The following RCAN2 variants were observed in gnomAD, a reference collection of about 807,000 sequenced individuals.
The protein encoded by RCAN2 is regulator of calcineurin 2, also known as calcipressin-2.
RCAN2 carries 9 observed loss-of-function variants against 23.6 expected under a neutral mutation model. That is an observed-to-expected ratio of 0.38 (90% confidence interval 0.23 to 0.67). The LOEUF is 0.67. Ranked by LOEUF, RCAN2 falls within the 30% of genes least tolerant of loss-of-function variation. RCAN2 has a pLI of 0.51. For missense variants in RCAN2, 273 were observed against 302.3 expected (o/e 0.90, Z 0.72); for synonymous variants, 109 against 115.7 (o/e 0.94, Z 0.37).
intron 2 of RCAN2, among the ~76,000 whole-genome samples, chr6:46,442,489 T>A (rs184805646): frequency 6.6e-6 from 1 of 152,220 alleles, no homozygotes; most frequent in Admixed American, 6.5e-5. Context: ...CCAGGCAGTA[T>A]GCCTTAAGAC....
intron 2 of RCAN2, among the ~76,000 whole-genome samples, chr6:46,400,881 G>A (rs1340325026): frequency 6.6e-6 from 1 of 152,136 alleles, no homozygotes; most frequent in African/African-American, 2.4e-5. Context: ...TTTAAAAGAC[G>A]CCCTTCACAG....
At chr6:46,310,866 T>C (rs907992692) in intron 2 of RCAN2, among the ~76,000 whole-genome samples, 8 of 152,200 alleles carry the variant, frequency 5.3e-5, no homozygotes, top group Non-Finnish European at 1.2e-4. Context: ...AAAAATGCCA[T>C]ATATTTTTTG....
intron 2 of RCAN2, among the ~76,000 whole-genome samples, chr6:46,407,103 C>T (rs1766427313): frequency 6.6e-6 from 1 of 152,194 alleles, no homozygotes; most frequent in African/African-American, 2.4e-5. Flanking sequence ...GGGCTATTTT[C>T]CTAGTCAACT....
chr6:46,469,378 T>C (rs1768488694), intron 1 of RCAN2, among the ~76,000 whole-genome samples: 1 of 152,154 alleles, frequency 6.6e-6, no homozygotes, highest in Admixed American at 6.5e-5. Flanking sequence ...CCTGCTGCAA[T>C]TGGGACCAGT....
chr6:46,248,118 A>G (rs1242114268), intron 3 of RCAN2, among the ~76,000 whole-genome samples: 4 of 152,216 alleles, frequency 2.6e-5, no homozygotes, highest in Non-Finnish European at 4.4e-5. Context: ...CACTAATGGA[A>G]CATGATGGAT....
intron 1 of RCAN2, among the ~76,000 whole-genome samples, chr6:46,471,851 T>C (rs749471673): frequency 3.3e-4 from 50 of 152,140 alleles, no homozygotes; most frequent in Non-Finnish European, 2.1e-4. Flanking sequence ...CTTAAAATAG[T>C]ATAGGAACCT....
At chr6:46,226,189 A>C (rs574134286) in intron 4 of RCAN2, among the ~76,000 whole-genome samples, 2 of 152,132 alleles carry the variant, frequency 1.3e-5, no homozygotes, top group East Asian at 3.9e-4. Flanking sequence ...GTTACTGTAG[A>C]CTTGTAGTAT....
chr6:46,335,720 G>T (rs1046137918), intron 2 of RCAN2, among the ~76,000 whole-genome samples: 4 of 152,098 alleles, frequency 2.6e-5, no homozygotes, highest in African/African-American at 9.7e-5. Flanking sequence ...TCCCTTTCAG[G>T]ATATAGTGCT....
intron 2 of RCAN2, among the ~76,000 whole-genome samples, chr6:46,402,610 C>A (rs1766281500): frequency 6.6e-6 from 1 of 152,184 alleles, no homozygotes; most frequent in Non-Finnish European, 1.5e-5. Context: ...CAGAGAGGGT[C>A]CTGCCGCACA....
intron 2 of RCAN2, among the ~76,000 whole-genome samples, chr6:46,267,997 T>C (rs1006394502): frequency 2.6e-5 from 4 of 151,826 alleles, no homozygotes; most frequent in Non-Finnish European, 5.9e-5. Flanking sequence ...AAAGCAGTGG[T>C]AGAAAAAAAA....
At chr6:46,383,207 G>GTA (rs1554137748) in intron 2 of RCAN2, among the ~76,000 whole-genome samples, 1 of 149,152 alleles carries the variant, frequency 6.7e-6, no homozygotes, top group African/African-American at 2.5e-5. Context: ...GTGTGTGTGT[G>GTA]TACGTGTGTA....
At chr6:46,454,554 T>C (rs181030248) in intron 2 of RCAN2, among the ~76,000 whole-genome samples, 244 of 152,268 alleles carry the variant, frequency 1.6e-3, no homozygotes, top group African/African-American at 5.4e-3. Context: ...AAAAAAAATC[T>C]TGCTGAGGTA....
chr6:46,245,376 T>C (rs1766477543), intron 4 of RCAN2, among the ~76,000 whole-genome samples: 2 of 152,196 alleles, frequency 1.3e-5, no homozygotes, highest in South Asian at 4.1e-4. Flanking sequence ...CAGCATCATC[T>C]TAATCTAGGT....
intron 2 of RCAN2, among the ~76,000 whole-genome samples, chr6:46,390,213 T>C (rs1314565872): frequency 1.3e-5 from 2 of 152,194 alleles, no homozygotes; most frequent in African/African-American, 4.8e-5. Context: ...CAGAAGAATC[T>C]TGAAGAGGAC....
chr6:46,253,384 C>T (rs55875823), intron 2 of RCAN2, among the ~76,000 whole-genome samples: 5,755 of 152,188 alleles, frequency 0.038, 162 homozygotes, highest in South Asian at 0.14. Context: ...CCAAAGTGTC[C>T]ATAACTATAC....
intron 4 of RCAN2, among the ~76,000 whole-genome samples, chr6:46,240,656 T>C (rs1373970917): frequency 6.6e-6 from 1 of 152,182 alleles, no homozygotes; most frequent in Non-Finnish European, 1.5e-5. Flanking sequence ...AGGCCTTATA[T>C]AATATTCATA....
intron 2 of RCAN2, among the ~76,000 whole-genome samples, chr6:46,354,898 T>TGG (rs1491562988): frequency 3.4e-4 from 1 of 2,944 alleles, no homozygotes; most frequent in East Asian, 0.033. Context: ...AGATTATATA[T>TGG]GTGTGTGTGT....
chr6:46,367,795 G>A (rs1409129633), intron 2 of RCAN2, among the ~76,000 whole-genome samples: 2 of 151,936 alleles, frequency 1.3e-5, no homozygotes, highest in Non-Finnish European at 2.9e-5. Flanking sequence ...TTCTTTAAAC[G>A]CTATGTTTAA....
chr6:46,352,043 C>T (rs927681097), intron 2 of RCAN2, among the ~76,000 whole-genome samples: 4 of 152,202 alleles, frequency 2.6e-5, no homozygotes, highest in African/African-American at 7.2e-5. Context: ...TTGATTTCAA[C>T]AGCCACCCAC....
Sources: gnomAD v4.1 joint callset for allele counts (sites outside exome capture counted in the v4.1 genomes callset) on GRCh38, gnomAD v4.1.1 for gene constraint, MANE v1.5 for transcripts, NCBI Gene and HGNC (gene_info 2026-07-23, HGNC 2026-07-21) for gene names.